Variants in LINGO1 observed in about 807,000 individuals in gnomAD.
LINGO1 encodes the protein leucine rich repeat and Ig domain containing 1.
Under a neutral mutation model 37.3 loss-of-function variants are expected in LINGO1, and 11 were observed. The observed-to-expected ratio is 0.29, with a 90% CI of 0.19 to 0.49. LINGO1 has a LOEUF of 0.49. Among genes scored for constraint, LINGO1 ranks in the 20% least tolerant of loss-of-function variants. LINGO1 has a pLI of 0.99. For synonymous variants in LINGO1, 387 were observed against 403.0 expected, an observed-to-expected ratio of 0.96 and a Z score of 0.48; for missense variants, 585 against 878.2, an observed-to-expected ratio of 0.67 and a Z score of 4.22.
At chr15:77,699,412 C>G (rs2075740693), upstream of LINGO1, among the ~76,000 whole-genome samples, 1 of 143,436 alleles carries the variant, frequency 7.0e-6, no homozygotes, top group East Asian at 2.1e-4. Flanking sequence ...TCCCCACACA[C>G]AGTAAGTGCA....
chr15:77,774,226 C>T (rs967068254), intron 1 of LINGO1, among the ~76,000 whole-genome samples: 1 of 152,038 alleles, frequency 6.6e-6, no homozygotes, highest in Non-Finnish European at 1.5e-5. Context: ...CACAGGTGAG[C>T]GGGGGAATGG....
intron 1 of LINGO1, among the ~76,000 whole-genome samples, chr15:77,804,301 C>T: frequency 6.6e-6 from 1 of 152,218 alleles, no homozygotes; most frequent in Non-Finnish European, 1.5e-5. Flanking sequence ...GGAATGCAGA[C>T]TCGCACGATA....
rs532410581 is a variant in LINGO1 at position 77,722,891 on chromosome 15, C to T, written c.-195+12101G>A. Among the ~76,000 whole-genome samples, 209 of 152,222 alleles carry T rather than the reference C, an allele frequency of 1.4e-3. 1 individual carries two copies. The highest frequency in any genetic ancestry group is 3.4e-3 in the Middle Eastern group (1 of 294). ...CTCTCCAGCCCCTCACGCAGTAACC[C>T]GGGGAGGGCAGCAGCAGGGCTGTGG... On this transcript the variant is annotated intron_variant, in intron 2 of 3. Coordinates refer to the LINGO1 transcript ENST00000561686.
At chr15:77,633,098 G>A (rs920226666), upstream of LINGO1, among the ~76,000 whole-genome samples, 24 of 151,624 alleles carry the variant, frequency 1.6e-4, no homozygotes, top group Admixed American at 1.5e-3. Context: ...TGCCCTGCAC[G>A]CTTAGGGCAG....
chr15:77,699,771 T>C (rs79717557), upstream of LINGO1, among the ~76,000 whole-genome samples: 5 of 89,082 alleles, frequency 5.6e-5, no homozygotes, highest in African/African-American at 8.1e-5. Flanking sequence ...ATACTAACCA[T>C]CATTCCCCCC....
intron 1 of LINGO1, among the ~76,000 whole-genome samples, chr15:77,738,529 G>A (rs571851030): frequency 2.6e-5 from 4 of 152,152 alleles, no homozygotes; most frequent in South Asian, 4.2e-4. Flanking sequence ...TAGGTAAAAT[G>A]CCCACCATGC....
chr15:77,679,476 G>A (rs1300502664), intron 2 of LINGO1, among the ~76,000 whole-genome samples: 2 of 152,158 alleles, frequency 1.3e-5, no homozygotes, highest in African/African-American at 2.4e-5. Flanking sequence ...CATTTACAGA[G>A]CCCTTAGCAT....
At chr15:77,802,362 C>T (rs776956320) in intron 1 of LINGO1, among the ~76,000 whole-genome samples, 2 of 151,942 alleles carry the variant, frequency 1.3e-5, no homozygotes, top group African/African-American at 2.4e-5. Context: ...AGCAGATCCA[C>T]GTATATGTGT....
At chr15:77,644,026 G>A (rs1490829867) in intron 3 of LINGO1, among the ~76,000 whole-genome samples, 10 of 152,238 alleles carry the variant, frequency 6.6e-5, no homozygotes, top group Admixed American at 5.9e-4. Flanking sequence ...TCAGAGCCAC[G>A]GGGCAGGGCC....
chr15:77,682,438 A>ATG (rs1243895886), intron 2 of LINGO1, among the ~76,000 whole-genome samples: 1 of 151,960 alleles, frequency 6.6e-6, no homozygotes, highest in Non-Finnish European at 1.5e-5. Flanking sequence ...GTGTGCACGT[A>ATG]TGTGTTCCTA....
intron 2 of LINGO1, among the ~76,000 whole-genome samples, chr15:77,714,117 C>G (rs908564645): frequency 3.9e-5 from 6 of 152,182 alleles, no homozygotes; most frequent in Admixed American, 3.9e-4. Flanking sequence ...CAAAAACGAA[C>G]TCCTGATCCT....
At chr15:77,661,713 G>A (rs1054786678) in intron 3 of LINGO1, among the ~76,000 whole-genome samples, 4 of 152,142 alleles carry the variant, frequency 2.6e-5, no homozygotes, top group East Asian at 1.9e-4. Flanking sequence ...CCTACTGATC[G>A]CCCCACCCTC....
chr15:77,764,614 A>G (rs538733700), intron 1 of LINGO1, among the ~76,000 whole-genome samples: 1 of 152,358 alleles, frequency 6.6e-6, no homozygotes, highest in East Asian at 1.9e-4. Flanking sequence ...CAGAGTTCCG[A>G]GAAATGCCAC....
chr15:77,745,693 T>G (rs964393881), intron 1 of LINGO1, among the ~76,000 whole-genome samples: 1 of 152,154 alleles, frequency 6.6e-6, no homozygotes, highest in Admixed American at 6.5e-5. Flanking sequence ...CAATTGCTCA[T>G]CTCTTCCTCA....
chr15:77,784,278 G>A (rs547198670), intron 1 of LINGO1, among the ~76,000 whole-genome samples: 31 of 152,238 alleles, frequency 2.0e-4, no homozygotes, highest in African/African-American at 7.5e-4. Context: ...GGAGAGAGCA[G>A]AACTCAGAAG....
intron 3 of LINGO1, among the ~76,000 whole-genome samples, chr15:77,671,227 G>C (rs528523339): frequency 4.8e-4 from 73 of 151,754 alleles, no homozygotes; most frequent in Middle Eastern, 3.4e-3. Flanking sequence ...ATATCTCAGG[G>C]TCTGACTGCC....
intron 3 of LINGO1, among the ~76,000 whole-genome samples, chr15:77,646,732 C>T (rs1596042081): frequency 6.6e-6 from 1 of 152,218 alleles, no homozygotes; most frequent in African/African-American, 2.4e-5. Flanking sequence ...AGGGATGGAG[C>T]TTTGATAGTC....
chr15:77,794,973 C>T (rs1452497209), intron 2 of LINGO1, among the ~76,000 whole-genome samples: 1 of 152,130 alleles, frequency 6.6e-6, no homozygotes, highest in African/African-American at 2.4e-5. Flanking sequence ...TAAGCCTCAG[C>T]CACATACAAC....
At chr15:77,730,015 A>G (rs1029580998) in intron 2 of LINGO1, among the ~76,000 whole-genome samples, 7 of 152,072 alleles carry the variant, frequency 4.6e-5, no homozygotes, top group Admixed American at 6.6e-5. Context: ...CGTCCCCCAC[A>G]TTTACCTGCT....
Sources: gnomAD v4.1 joint callset for allele counts (sites outside exome capture counted in the v4.1 genomes callset) on GRCh38, gnomAD v4.1.1 for gene constraint, MANE v1.5 for transcripts, NCBI Gene and HGNC (gene_info 2026-07-23, HGNC 2026-07-21) for gene names.